The following DNHD1 variants were observed in gnomAD, a reference collection of about 807,000 sequenced individuals.
DNHD1 encodes dynein heavy chain domain 1.
DNHD1 carries 383 observed loss-of-function variants against 458.1 expected under a neutral mutation model. The observed-to-expected ratio is 0.84, with a 90% CI of 0.77 to 0.91. The LOEUF (loss-of-function observed/expected upper bound fraction) is 0.91, where lower values mean the gene tolerates loss of function less well. Ranked by LOEUF, DNHD1 falls within the 40% of genes least tolerant of loss-of-function variation. DNHD1 has a pLI of 0.00. For missense variants in DNHD1, 5,336 were observed against 5,866.1 expected (o/e 0.91, Z 2.95); for synonymous variants, 2,203 against 2,376.9 (o/e 0.93, Z 2.13).
chr11:6,510,940 C>G (rs541391610), intron 6 of DNHD1, among the ~76,000 whole-genome samples: 1 of 152,252 alleles, frequency 6.6e-6, no homozygotes, highest in East Asian at 1.9e-4. Context: ...TTAGCTTTCT[C>G]TATTCCAAGG....
intron 13 of DNHD1, among the ~76,000 whole-genome samples, 184 bp downstream of exon 13, chr11:6,533,368 T>C (rs1397677571): frequency 6.6e-6 from 1 of 152,218 alleles, no homozygotes; most frequent in Non-Finnish European, 1.5e-5. Flanking sequence ...GTTCCTCATG[T>C]CACAGGGAGG....
Position 6,545,530 on chromosome 11 carries a change from GGT to G in DNHD1, c.4592_4593del (p.Gly1531AspfsTer13). The G allele has an allele frequency of 6.4e-7, 1 of 1,551,822 alleles. No individual in the cohort carries two copies. Among genetic ancestry groups the G allele is most frequent in the Non-Finnish European group, 8.7e-7 (1 of 1,147,014 alleles). The stretch of plus-strand genomic sequence containing the variant: ...GATGGAGGAGGCTCTGCTTGAGTGG[GGT>G]ACCCTGGCCATGGTCTCCATGCATA... The part of the protein sequence containing the change: ...AEMEEALLEW[G>X]TLAMVSMHMR... On this transcript the variant is annotated frameshift_variant, in exon 21 of 43. Coordinates refer to ENST00000254579, the MANE Select transcript of DNHD1 (RefSeq NM_144666.3). This position sits in a 1 kb window ranked among gnomAD's most constrained non-coding sequence, Gnocchi z 4.9.
At chr11:6,536,602 A>G (rs532546451) in intron 14 of DNHD1, among the ~76,000 whole-genome samples, 7 of 152,346 alleles carry the variant, frequency 4.6e-5, no homozygotes, top group Non-Finnish European at 8.8e-5. Context: ...ATCTATACCT[A>G]TGGAAGATAG....
chr11:6,557,533 T>C lies in DNHD1; in HGVS notation c.8238T>C (p.Asp2746=), dbSNP rs1853493481. Residue 2746 remains aspartate (D), a synonymous_variant, in exon 25 of 43, where the codon GAT becomes GAC. Coordinates refer to ENST00000254579, the MANE Select transcript of DNHD1 (RefSeq NM_144666.3). ...LQVARVSNSR[D]PSLTPSIGPV... is the part of the protein sequence containing the mutation. The stretch of plus-strand genomic sequence containing the variant: ...TCGCCAGAGTCTCAAACTCCAGAGA[T>C]CCAAGTCTAACACCATCCATAGGAC... The C allele has an allele frequency of 8.4e-6, 13 of 1,551,528 alleles. No homozygotes were observed. Among genetic ancestry groups the C allele is most frequent in the Non-Finnish European group, 1.1e-5 (13 of 1,146,966 alleles).
chr11:6,541,951 G>A (rs999165888), intron 18 of DNHD1, among the ~76,000 whole-genome samples: 1 of 152,170 alleles, frequency 6.6e-6, no homozygotes, highest in Non-Finnish European at 1.5e-5. Flanking sequence ...TCTGCATAGA[G>A]GAGAATGTAG....
rs1367734266 is a variant in DNHD1 at position 6,546,438 on chromosome 11, G to A, written c.5499G>A (p.Arg1833=). ...TGGCATTGGCATTGCCTGATCTGCG[G>A]CAAGTGGCAGAGCTGACTCTGCTGG... The part of the protein sequence containing the change: ...RPVALALPDL[R]QVAELTLLGA... The change falls in exon 21 of 43, where the codon CGG becomes CGA. Residue 1833 remains arginine (R), a synonymous_variant. Coordinates refer to ENST00000254579, the MANE Select transcript of DNHD1 (RefSeq NM_144666.3). The A allele has an allele frequency of 1.9e-6, 3 of 1,551,320 alleles. No individual in the cohort carries two copies. The Admixed American group carries it at 5.9e-5, about 30-fold the overall frequency.
At position 6,565,944 on chromosome 11, in the gene DNHD1, G is replaced by A. The variant is rs1853684035; in HGVS notation, c.11006G>A (p.Gly3669Asp). The A allele has an allele frequency of 6.4e-7, 1 of 1,551,618 alleles. No homozygotes were observed. The highest frequency in any genetic ancestry group is 1.2e-5 in the South Asian group (1 of 84,058). Residue 3669 changes from glycine to aspartate, a missense_variant, in exon 33 of 43, where the codon GGT becomes GAT. Around this residue, in one of 4 missense-constraint regions of DNHD1, gnomAD observed 695 missense variants for 804.2 expected, o/e 0.86. Transcript: ENST00000254579. ...CTTCCCTACCTTAGTGTTCTTTCAGGTGCTGACCCAGAGCTGGGTTCTCAG... is the reference window on the plus strand; with the variant it reads ...CTTCCCTACCTTAGTGTTCTTTCAGATGCTGACCCAGAGCTGGGTTCTCAG... ...PSLPYLSVLS[G>D]ADPELGSQLQ...
At chr11:6,553,434 A>G (rs1853402444) in intron 24 of DNHD1, among the ~76,000 whole-genome samples, 1 of 152,228 alleles carries the variant, frequency 6.6e-6, no homozygotes, top group African/African-American at 2.4e-5. Flanking sequence ...AAAATCAGTT[A>G]AAAGGCAAGA....
At chr11:6,534,907 TG>T (rs1325727858) in intron 14 of DNHD1, among the ~76,000 whole-genome samples, 1 of 152,122 alleles carries the variant, frequency 6.6e-6, no homozygotes, top group Non-Finnish European at 1.5e-5. Flanking sequence ...CCACCATGCC[TG>T]GCTAATTTTT....
intron 39 of DNHD1, 67 bp from the exon 40 acceptor site, chr11:6,569,942 A>C (rs1016634197): frequency 2.1e-6 from 3 of 1,403,440 alleles, no homozygotes; most frequent in Non-Finnish European, 2.0e-6. Flanking sequence ...TGAACTGAAG[A>C]CAAGACTTGA....
Position 6,571,437 on chromosome 11 carries a change from G to T in DNHD1, c.13911+14G>T. On this transcript the variant is annotated intron_variant, in intron 42 of 42. Coordinates refer to ENST00000254579, the MANE Select transcript of DNHD1 (RefSeq NM_144666.3). This position sits in a 1 kb window ranked among gnomAD's most constrained non-coding sequence, Gnocchi z 5.0. ...CTGCACTTCAGGGTATCTTCGCGCC[G>T]CCCCTCGTTCGCGGTTCCAGTCCCC... is the stretch of plus-strand genomic sequence containing the variant. 6.4e-7 allele frequency: 1 copy of T among 1,566,192 alleles called. No individual in the cohort carries two copies.
chr11:6,503,200 A>G, intron 4 of DNHD1: 1 of 364,242 alleles, frequency 2.7e-6, no homozygotes, highest in Non-Finnish European at 4.9e-6. Context: ...CTATCCTAGA[A>G]TGATAGAAAC....
chr11:6,528,956 G>C lies in DNHD1; in HGVS notation c.2182G>C (p.Gly728Arg). The C allele has an allele frequency of 6.4e-7, 1 of 1,551,700 alleles. No homozygotes were observed. Among genetic ancestry groups the C allele is most frequent in the Non-Finnish European group, 8.7e-7 (1 of 1,146,994 alleles). The change falls in exon 12 of 43, where the codon GGG (glycine) becomes CGG (arginine). Residue 728 changes from glycine to arginine, a missense_variant. Coordinates refer to ENST00000254579, the MANE Select transcript of DNHD1 (RefSeq NM_144666.3). Reference sequence around the variant, plus strand: ...CATTTATGAATTCCTGCAATCCTGGGGGCCTCAGAAGCTGGAAGACATGAG... The same window carrying C: ...CATTTATGAATTCCTGCAATCCTGGCGGCCTCAGAAGCTGGAAGACATGAG... ...TGIYEFLQSW[G>R]PQKLEDMRGG... is the part of the protein sequence containing the mutation.
At chr11:6,524,916 A>C (rs1046286282) in intron 10 of DNHD1, among the ~76,000 whole-genome samples, 1 of 152,236 alleles carries the variant, frequency 6.6e-6, no homozygotes, top group African/African-American at 2.4e-5. Context: ...AGGTGCTTCC[A>C]GAGTTTGTTC....
At chr11:6,502,622 A>G in intron 3 of DNHD1, 131 bp from the exon 4 acceptor site, 1 of 726,980 alleles carries the variant, frequency 1.4e-6, no homozygotes, top group East Asian at 3.0e-5. Context: ...GTCAGGCTCG[A>G]CAATGCCACG....
intron 4 of DNHD1, among the ~76,000 whole-genome samples, chr11:6,506,841 G>C (rs1852238444): frequency 6.6e-6 from 1 of 152,160 alleles, no homozygotes; most frequent in South Asian, 2.1e-4. Flanking sequence ...GTTTGGGTTT[G>C]TTGTGTTTAA....
Position 6,568,545 on chromosome 11 carries a change from T to C in DNHD1, c.12630T>C (p.Ile4210=), listed in dbSNP as rs1208733881. The change falls in exon 38 of 43, where the codon ATT becomes ATC. Residue 4210 remains isoleucine (I), a synonymous_variant. Coordinates refer to ENST00000254579, the MANE Select transcript of DNHD1 (RefSeq NM_144666.3). ...ACAGAGATTTTCGTCTTTGGCTTAT[T>C]GTGCCTGCAGAGTCTAGTGCTTCTT... ...TVHRDFRLWL[I]VPAESSASLP... The C allele has an allele frequency of 1.9e-6, 3 of 1,614,066 alleles. No individual in the cohort carries two copies. The highest frequency in any genetic ancestry group is 2.5e-6 in the Non-Finnish European group (3 of 1,179,910).
chr11:6,564,728 C>G lies in DNHD1; in HGVS notation c.10680C>G (p.Asn3560Lys). The G allele has an allele frequency of 1.3e-6, 2 of 1,549,778 alleles. No individual in the cohort carries two copies. The highest frequency in any genetic ancestry group is 3.3e-4 in the Middle Eastern group (2 of 5,982). ...GGCCTCTGCTGCTTGACCCCAGCAA[C>G]GAGGCCCTCATCTGGTTGGACCCGC... is the stretch of plus-strand genomic sequence containing the variant. The part of the protein sequence containing the change: ...CRWPLLLDPS[N>K]EALIWLDPLP... The change falls in exon 32 of 43, where the codon AAC becomes AAG. Residue 3560 changes from asparagine to lysine, a missense_variant. Coordinates refer to ENST00000254579, the MANE Select transcript of DNHD1 (RefSeq NM_144666.3).
In DNHD1 at chr11:6,571,872, C is replaced by T; in HGVS notation, c.14148C>T (p.Gly4716=). ...CTGTGTACATGGGAGGGCCCCTTGG[C>T]ACCGCTAAGCTGCAGAGCAGGAACA... is the stretch of plus-strand genomic sequence containing the variant. ...SCPVYMGGPL[G]TAKLQSRNIV... is the part of the protein sequence containing the mutation. Residue 4716 remains glycine, a synonymous_variant, in exon 43 of 43, where the codon GGC becomes GGT. Coordinates refer to ENST00000254579, the MANE Select transcript of DNHD1 (RefSeq NM_144666.3). This position sits in a 1 kb window ranked among gnomAD's most constrained non-coding sequence, Gnocchi z 5.0. 6.2e-7 allele frequency: 1 copy of T among 1,614,034 alleles called. No individual in the cohort carries two copies. The highest frequency in any genetic ancestry group is 8.5e-7 in the Non-Finnish European group (1 of 1,179,908).
Sources: gnomAD v4.1 joint callset for allele counts (sites outside exome capture counted in the v4.1 genomes callset) on GRCh38, gnomAD v4.1.1 for gene constraint, gnomAD v4.1.1 regional missense constraint, Gnocchi (gnomAD v3.1) non-coding constraint, MANE v1.5 for transcripts, NCBI Gene and HGNC (gene_info 2026-07-23, HGNC 2026-07-21) for gene names.